MAGI2: variants seen among roughly 807,000 people sequenced by gnomAD.
MAGI2 encodes the protein membrane-associated guanylate kinase, WW and PDZ domain-containing protein 2.
Under a neutral mutation model 133.3 loss-of-function variants are expected in MAGI2, and 35 were observed. The ratio of observed to expected loss-of-function variants is 0.26; its 90% CI spans 0.20 to 0.35. The LOEUF (loss-of-function observed/expected upper bound fraction) is 0.35. Among genes scored for constraint, MAGI2 ranks in the 10% least tolerant of loss-of-function variants. The probability of loss-of-function intolerance (pLI) is 1.00; values close to 1 mark genes in which losing one functional copy is unlikely to be tolerated. For synonymous variants in MAGI2, 729 were observed against 710.6 expected (o/e 1.03, Z -0.41); for missense variants, 1,636 against 1,863.4 (o/e 0.88, Z 2.25).
chr7:78,563,018 G>C (rs952689141), intron 3 of MAGI2, among the ~76,000 whole-genome samples: 1 of 150,182 alleles, frequency 6.7e-6, no homozygotes, highest in African/African-American at 2.5e-5. Context: ...TTAATGAGTG[G>C]TCATTTGATT....
intron 2 of MAGI2, among the ~76,000 whole-genome samples, chr7:78,943,080 T>C (rs2151684284): frequency 6.6e-6 from 1 of 152,210 alleles, no homozygotes; most frequent in East Asian, 1.9e-4. Flanking sequence ...CCCTGGGTCT[T>C]AGTATACTAA....
intron 2 of MAGI2, among the ~76,000 whole-genome samples, chr7:78,856,541 T>C (rs1793647764): frequency 6.6e-6 from 1 of 152,182 alleles, no homozygotes; most frequent in Admixed American, 6.5e-5. Context: ...TTGTCAGGTT[T>C]GTCAAATATC....
At chr7:78,886,645 C>T (rs541275624) in intron 2 of MAGI2, among the ~76,000 whole-genome samples, 5 of 152,052 alleles carry the variant, frequency 3.3e-5, no homozygotes, top group Non-Finnish European at 4.4e-5. Context: ...TAATCCTAGC[C>T]CCATTTTTAT....
At position 79,349,351 on chromosome 7, in the gene MAGI2, C is replaced by T. The variant is rs535817359; in HGVS notation, c.301+103669G>A. 2.0e-5 allele frequency among the ~76,000 whole-genome samples: 3 copies of T among 151,974 alleles called. No homozygotes were observed. The South Asian group carries it at 6.2e-4, about 32-fold the overall frequency. The stretch of plus-strand genomic sequence containing the variant: ...GATTGGATATTAGGAAATCTGGTTG[C>T]TATTTCTATCTTGCTTTGTAACCCT... On this transcript the variant is annotated intron_variant, in intron 1 of 21. Coordinates refer to ENST00000354212, the MANE Select transcript of MAGI2 (RefSeq NM_012301.4).
intron 2 of MAGI2, among the ~76,000 whole-genome samples, chr7:78,674,509 T>C (rs2151080262): frequency 6.6e-6 from 1 of 152,262 alleles, no homozygotes; most frequent in East Asian, 1.9e-4. Flanking sequence ...ATCTATTCTA[T>C]ACTTTAAATG....
chr7:78,234,835 C>A (rs902509382), intron 10 of MAGI2, among the ~76,000 whole-genome samples: 18 of 152,086 alleles, frequency 1.2e-4, no homozygotes, highest in Non-Finnish European at 1.9e-4. Context: ...TTTAATTGCA[C>A]CCAGTCCATT....
At position 79,057,431 on chromosome 7, in the gene MAGI2, A is replaced by G. The variant is rs192148807; in HGVS notation, c.302-50225T>C. Among the ~76,000 whole-genome samples, 63 of 152,354 alleles carry G rather than the reference A, an allele frequency of 4.1e-4. 2 individuals are homozygous for G. The highest frequency in any genetic ancestry group is 3.9e-3 in the Admixed American group (60 of 15,310). On this transcript the variant is annotated intron_variant, in intron 1 of 21. Transcript: ENST00000354212. ...ATCTAGATTAATGTACAAATTGAGC[A>G]AATACATTTTAGAAACTGCCTTTAT...
intron 20 of MAGI2, among the ~76,000 whole-genome samples, chr7:78,105,816 T>C (rs974989109): frequency 6.6e-6 from 1 of 152,136 alleles, no homozygotes; most frequent in African/African-American, 2.4e-5. Flanking sequence ...ATCAGAGTAA[T>C]TGGGGTATCA....
chr7:79,366,277 A>C (rs1470469231), intron 1 of MAGI2, among the ~76,000 whole-genome samples: 1 of 152,150 alleles, frequency 6.6e-6, no homozygotes, highest in Admixed American at 6.5e-5. Context: ...ATATATATAT[A>C]TCCAATCCCA....
chr7:79,375,812 C>T (rs920197085), intron 1 of MAGI2, among the ~76,000 whole-genome samples: 3 of 151,844 alleles, frequency 2.0e-5, no homozygotes, highest in African/African-American at 7.2e-5. Flanking sequence ...AATTATAGAA[C>T]ATATAAGCAG....
intron 9 of MAGI2, among the ~76,000 whole-genome samples, chr7:78,286,477 G>A (rs1229998362): frequency 6.6e-6 from 1 of 152,114 alleles, no homozygotes; most frequent in Non-Finnish European, 1.5e-5. Context: ...GAATTGATAC[G>A]TGACCTTTGT....
rs1383801209 is a variant in MAGI2, at chr7:78,019,678, CT to C, written c.4004del (p.Gln1335ArgfsTer139). The C allele has an allele frequency of 6.9e-7, 1 of 1,450,026 alleles. No homozygotes were observed. The highest frequency in any genetic ancestry group is 9.0e-7 in the Non-Finnish European group (1 of 1,106,610). 89.8% of individuals were successfully genotyped at this position (1,450,026 alleles called of 1,614,324 possible). A position where few individuals can be genotyped will look rare whatever the true frequency, so the allele number is the denominator to read the frequency against. On this transcript the variant is annotated frameshift_variant, in exon 22 of 22. Coordinates refer to ENST00000354212, the MANE Select transcript of MAGI2 (RefSeq NM_012301.4). LOFTEE classifies it low-confidence loss of function (END_TRUNC). The stretch of plus-strand genomic sequence containing the variant: ...CGGGCCTGCCGGCCTCGGGCCGCCC[CT>C]GGCCGCCGGGCGCCTCCTCGAGCCT... ...RPRLEEAPGG[Q>X]GRPEAGRPAS...
At chr7:78,081,659 T>C (rs1258889134) in intron 20 of MAGI2, among the ~76,000 whole-genome samples, 3 of 152,238 alleles carry the variant, frequency 2.0e-5, no homozygotes, top group Non-Finnish European at 4.4e-5. Flanking sequence ...TTTGGGAAAC[T>C]GTCAGTAGTT....
chr7:78,474,199 T>A (rs1443115780), intron 6 of MAGI2, among the ~76,000 whole-genome samples: 2 of 151,968 alleles, frequency 1.3e-5, no homozygotes, highest in African/African-American at 4.8e-5. Context: ...ATCACGTATA[T>A]CTCTATTTAT....
At chr7:78,753,717 C>CA (rs560397759) in intron 2 of MAGI2, among the ~76,000 whole-genome samples, 2,364 of 126,546 alleles carry the variant, frequency 0.019, 54 homozygotes, top group African/African-American at 0.055. Flanking sequence ...ACTTAACTAG[C>CA]AAAAAAAAAA....
At position 78,890,132 on chromosome 7, in the gene MAGI2, G is replaced by T. The variant is rs542029921; in HGVS notation, c.418+116958C>A. ...ACAAAAATCAAAAGAGACAAAGAAG[G>T]CCATTACATAATGGTAAAGGGATCA... On this transcript the variant is annotated intron_variant, in intron 2 of 21. Coordinates refer to ENST00000354212, the MANE Select transcript of MAGI2 (RefSeq NM_012301.4). Among the ~76,000 whole-genome samples the T allele has an allele frequency of 4.0e-4, 61 of 152,244 alleles. 1 individual carries two copies. The South Asian group carries it at 0.012, about 31-fold the overall frequency.
chr7:78,533,967 C>T (rs1797679427), intron 3 of MAGI2, among the ~76,000 whole-genome samples: 1 of 152,128 alleles, frequency 6.6e-6, no homozygotes, highest in Admixed American at 6.5e-5. Context: ...CTGACCAAGC[C>T]AATGACAGCT....
intron 10 of MAGI2, 23 bp downstream of exon 10, chr7:78,255,920 T>G (rs774815191): frequency 6.2e-7 from 1 of 1,610,232 alleles, no homozygotes; most frequent in South Asian, 1.1e-5. Flanking sequence ...CATATTTTAT[T>G]GCTGAGCCAG....
intron 6 of MAGI2, among the ~76,000 whole-genome samples, chr7:78,469,060 C>T (rs998255193): frequency 1.3e-5 from 2 of 152,134 alleles, no homozygotes; most frequent in South Asian, 2.1e-4. Flanking sequence ...CATTTATTCT[C>T]AATCGTCTGG....
Sources: gnomAD v4.1 joint callset for allele counts (sites outside exome capture counted in the v4.1 genomes callset) on GRCh38, gnomAD v4.1.1 for gene constraint, MANE v1.5 for transcripts, NCBI Gene and HGNC (gene_info 2026-07-23, HGNC 2026-07-21) for gene names.